The following SNTG1 variants were observed in gnomAD, a reference collection of about 807,000 sequenced individuals.
SNTG1 encodes the protein syntrophin gamma 1, also known as gamma-1-syntrophin.
In SNTG1, 39 loss-of-function variants were observed where a neutral mutation model predicts 74.7. The ratio of observed to expected loss-of-function variants is 0.52; its 90% CI spans 0.40 to 0.68. The LOEUF is 0.68. SNTG1 is among the 30% of genes least tolerant of loss of function. SNTG1 has a pLI of 0.00. For synonymous variants in SNTG1, 254 were observed against 217.1 expected (o/e 1.17, Z -1.49); for missense variants, 685 against 609.5 (o/e 1.12, Z -1.30).
intron 2 of SNTG1, among the ~76,000 whole-genome samples, chr8:50,357,548 G>T (rs1243494290): frequency 1.3e-5 from 2 of 152,158 alleles, no homozygotes; most frequent in Non-Finnish European, 2.9e-5. Context: ...AAGATGAATA[G>T]ATTTTATATT....
intron 15 of SNTG1, among the ~76,000 whole-genome samples, chr8:50,702,595 T>A (rs993390058): frequency 6.6e-6 from 1 of 152,212 alleles, no homozygotes; most frequent in Non-Finnish European, 1.5e-5. Context: ...TGAGAAATGA[T>A]TACAGATACC....
rs150801015 is a variant in SNTG1 at position 50,502,841 on chromosome 8, C to T, written c.427C>T (p.Pro143Ser). ...AACAGTGTCATTTTTAAAAAGAGCA[C>T]CTGCTTTCCTCAAACTCCCATTGAA... ...TLTVSFLKRA[P>S]AFLKLPLNED... The change falls in exon 9 of 19, where the codon CCT becomes TCT. Residue 143 changes from proline to serine, a missense_variant. Physicochemically the swap from Pro to Ser is moderately conservative, Grantham distance 74 (BLOSUM62 -1). Coordinates refer to ENST00000642720, the MANE Select transcript of SNTG1 (RefSeq NM_018967.5). 2 of 1,613,228 alleles carry T rather than the reference C, an allele frequency of 1.2e-6. No homozygotes were observed. Among genetic ancestry groups the T allele is most frequent in the Non-Finnish European group, 1.7e-6 (2 of 1,179,538 alleles).
chr8:50,792,530 C>G, intron 18 of SNTG1, 141 bp from the exon 19 acceptor site: 2 of 872,844 alleles, frequency 2.3e-6, no homozygotes, highest in Non-Finnish European at 1.7e-6. Context: ...CCAAAAATGT[C>G]TACATTTGAA....
At chr8:50,749,007 T>G (rs537096197) in intron 17 of SNTG1, among the ~76,000 whole-genome samples, 28 of 152,136 alleles carry the variant, frequency 1.8e-4, no homozygotes, top group African/African-American at 6.7e-4. Flanking sequence ...CTAGAAATGA[T>G]TACGCTTGGT....
At chr8:50,521,355 T>C (rs534899036) in intron 9 of SNTG1, among the ~76,000 whole-genome samples, 2 of 152,268 alleles carry the variant, frequency 1.3e-5, no homozygotes, top group East Asian at 1.9e-4. Context: ...CACCATGGCA[T>C]GTGCATAGCT....
intron 1 of SNTG1, among the ~76,000 whole-genome samples, chr8:49,967,721 T>G (rs1811278055): frequency 6.6e-6 from 1 of 152,206 alleles, no homozygotes; most frequent in Non-Finnish European, 1.5e-5. Flanking sequence ...AATTGATAAG[T>G]GTTAATTATC....
At chr8:50,065,494 CA>C (rs1335814466) in intron 1 of SNTG1, among the ~76,000 whole-genome samples, 5 of 152,086 alleles carry the variant, frequency 3.3e-5, no homozygotes, top group Admixed American at 2.0e-4. Context: ...TATAACCTAT[CA>C]AAAACATTAA....
At chr8:50,461,484 T>A (rs2093561886) in intron 8 of SNTG1, among the ~76,000 whole-genome samples, 1 of 152,160 alleles carries the variant, frequency 6.6e-6, no homozygotes, top group Admixed American at 6.6e-5. Flanking sequence ...CATAATTATT[T>A]AGAATTCTGT....
At chr8:50,245,353 A>T (rs12548940) in intron 2 of SNTG1, among the ~76,000 whole-genome samples, 1 of 152,088 alleles carries the variant, frequency 6.6e-6, no homozygotes, top group Non-Finnish European at 1.5e-5. Flanking sequence ...AATAAGTAGC[A>T]GCATGGTATG....
At chr8:50,412,640 G>A (rs1298725617) in intron 4 of SNTG1, among the ~76,000 whole-genome samples, 1 of 152,128 alleles carries the variant, frequency 6.6e-6, no homozygotes, top group Non-Finnish European at 1.5e-5. Context: ...TCTAGGTCAG[G>A]AACTGCTTTC....
intron 1 of SNTG1, among the ~76,000 whole-genome samples, chr8:49,913,103 G>A (rs763408206): frequency 2.6e-5 from 4 of 152,160 alleles, no homozygotes; most frequent in Non-Finnish European, 5.9e-5. Context: ...TTAATAAAAA[G>A]GGTTCACTGG....
At chr8:50,082,930 A>G (rs1250502252) in intron 1 of SNTG1, among the ~76,000 whole-genome samples, 7 of 152,108 alleles carry the variant, frequency 4.6e-5, no homozygotes, top group Non-Finnish European at 1.5e-5. Context: ...TACGACCTCA[A>G]TCTCAGGCTA....
chr8:49,974,102 T>A (rs1811967009), intron 1 of SNTG1, among the ~76,000 whole-genome samples: 1 of 152,216 alleles, frequency 6.6e-6, no homozygotes, highest in African/African-American at 2.4e-5. Context: ...AGAGAATGAA[T>A]GTAAGTTACA....
rs2095199062 is a variant in SNTG1, at chr8:50,658,659, T to A, written c.1034T>A (p.Leu345His). The change falls in exon 15 of 19, where the codon CTC becomes CAC. Residue 345 changes from leucine to histidine, a missense_variant. Transcript: ENST00000642720. ...FSVYEIMCKI[L>H]KDSDLLDRRK... ...GTTTATGAGATTATGTGCAAGATCC[T>A]CAAGGTATGATCAATATGTAGTCAG... 1.9e-6 allele frequency: 3 copies of A among 1,608,468 alleles called. No homozygotes were observed. Among genetic ancestry groups the A allele is most frequent in the Non-Finnish European group, 2.6e-6 (3 of 1,176,118 alleles).
At chr8:50,586,950 T>C (rs1013703146) in intron 12 of SNTG1, among the ~76,000 whole-genome samples, 3 of 152,042 alleles carry the variant, frequency 2.0e-5, no homozygotes, top group African/African-American at 7.2e-5. Context: ...GAAGCATTCA[T>C]GTAATAACCC....
chr8:50,723,734 C>G (rs1280917718), intron 17 of SNTG1, among the ~76,000 whole-genome samples: 3 of 151,910 alleles, frequency 2.0e-5, no homozygotes, highest in African/African-American at 7.3e-5. Flanking sequence ...ACTGGAAGCT[C>G]TCATTACAAG....
chr8:50,775,309 C>A (rs191905674), intron 18 of SNTG1, among the ~76,000 whole-genome samples: 155 of 151,624 alleles, frequency 1.0e-3, no homozygotes, highest in Non-Finnish European at 1.5e-4. Flanking sequence ...ACAGTCAAAG[C>A]AGAACACCTG....
intron 11 of SNTG1, 58 bp from the exon 12 acceptor site, chr8:50,552,988 TACGA>T: frequency 6.3e-7 from 1 of 1,593,492 alleles, no homozygotes; most frequent in Non-Finnish European, 8.6e-7. Flanking sequence ...CAGATACTAT[TACGA>T]GCTGCAAATA....
chr8:50,371,288 C>A (rs2092263627), intron 2 of SNTG1, among the ~76,000 whole-genome samples: 1 of 152,160 alleles, frequency 6.6e-6, no homozygotes, highest in African/African-American at 2.4e-5. Context: ...GTCGGGTGTG[C>A]ACAGCAGTAC....
Sources: gnomAD v4.1 joint callset for allele counts (sites outside exome capture counted in the v4.1 genomes callset) on GRCh38, gnomAD v4.1.1 for gene constraint, MANE v1.5 for transcripts, NCBI Gene and HGNC (gene_info 2026-07-23, HGNC 2026-07-21) for gene names.